Variants in RUNDC3A observed in about 807,000 individuals in gnomAD.
The protein encoded by RUNDC3A is RUN domain containing 3A, also known as RUN domain-containing protein 3A.
In RUNDC3A, 28 loss-of-function variants were observed where a neutral mutation model predicts 53.9. The ratio of observed to expected loss-of-function variants is 0.52; its 90% CI spans 0.38 to 0.71. The LOEUF is 0.71. Ranked by LOEUF, RUNDC3A falls within the 30% of genes least tolerant of loss-of-function variation. The probability of loss-of-function intolerance (pLI) is 0.00; values close to 1 mark genes in which losing one functional copy is unlikely to be tolerated. For synonymous variants in RUNDC3A, 232 were observed against 249.4 expected, an observed-to-expected ratio of 0.93 and a Z score of 0.66; for missense variants, 491 against 597.3, an observed-to-expected ratio of 0.82 and a Z score of 1.85.
In RUNDC3A at chr17:44,318,092, C is replaced by T. The variant is rs1002672306; in HGVS notation, c.1199-4C>T. On this transcript the variant is annotated splice_region_variant and splice_polypyrimidine_tract_variant and intron_variant, in intron 10 of 10. Transcript: ENST00000426726. The stretch of plus-strand genomic sequence containing the variant: ...GCTTGGCCTCACCTGCCCTCTCTCC[C>T]CAGGGAAGGACCCCACGCCCTCCAT... The T allele has an allele frequency of 1.3e-6, 2 of 1,550,998 alleles. No individual in the cohort carries two copies. Among genetic ancestry groups the T allele is most frequent in the African/African-American group, 2.7e-5 (2 of 73,042 alleles).
chr17:44,317,766 G>T, intron 10 of RUNDC3A: 1 of 604,934 alleles, frequency 1.7e-6, no homozygotes, highest in Non-Finnish European at 3.0e-6. Context: ...AGCTCCATGA[G>T]GGCAGGGACC....
chr17:44,309,795 T>TG (rs1405066873), intron 1 of RUNDC3A: 1 of 152,474 alleles, frequency 6.6e-6, no homozygotes, highest in Non-Finnish European at 1.5e-5. Flanking sequence ...AGGGTGCTCC[T>TG]GGGGGCAGGG....
At chr17:44,317,711 T>C (rs913709850) in intron 10 of RUNDC3A, 2 of 626,050 alleles carry the variant, frequency 3.2e-6, no homozygotes, top group South Asian at 1.8e-5. Context: ...CCCATCACAC[T>C]GTGTTTGTGA....
rs374065110 is a variant in RUNDC3A at position 44,316,916 on chromosome 17, G to A, written c.1198+191G>A. The stretch of plus-strand genomic sequence containing the variant: ...CAGCTCATTGCAACCTCTGCCTCCC[G>A]GGTTCAAGGGATTCCCTTGCCTCAG... On this transcript the variant is annotated intron_variant, in intron 10 of 10. Transcript: ENST00000426726. 1.6e-3 allele frequency: 772 copies of A among 497,352 alleles called. 13 individuals carry two copies. In the East Asian group the frequency reaches 0.021, roughly 14 times the overall value. 30.8% of individuals were successfully genotyped at this position (497,352 alleles called of 1,614,324 possible). A position where few individuals can be genotyped will look rare whatever the true frequency, so the allele number is the denominator to read the frequency against.
rs2047841425 is a variant in RUNDC3A, at chr17:44,315,415, T to C, written c.796-37T>C. On this transcript the variant is annotated intron_variant, in intron 7 of 10. Coordinates refer to ENST00000426726, the MANE Select transcript of RUNDC3A (RefSeq NM_001144825.2). This position sits in a 1 kb window ranked among gnomAD's most constrained non-coding sequence, Gnocchi z 6.1. ...GGGGATGGGGGCCGCGGCCGGGACG[T>C]CCTCCCAGCCGCCCGGGCTGAGCCG... The C allele has an allele frequency of 6.6e-6, 9 of 1,359,538 alleles. No individual in the cohort carries two copies. Among genetic ancestry groups the C allele is most frequent in the Non-Finnish European group, 8.5e-6 (9 of 1,052,832 alleles). 84.2% of individuals were successfully genotyped at this position (1,359,538 alleles called of 1,614,324 possible).
chr17:44,312,447 A>T, intron 1 of RUNDC3A, 133 bp from the exon 2 acceptor site: 1 of 616,910 alleles, frequency 1.6e-6, no homozygotes, highest in South Asian at 1.9e-5. Flanking sequence ...CTGTCTCCCC[A>T]CTCGCTCTGC....
intron 10 of RUNDC3A, chr17:44,317,741 C>T: frequency 1.6e-6 from 1 of 611,420 alleles, no homozygotes; most frequent in Non-Finnish European, 2.9e-6. Context: ...TGTCTGTCTC[C>T]CCCACCAGAC....
intron 3 of RUNDC3A, 71 bp downstream of exon 3, chr17:44,313,323 C>A (rs1259013175): frequency 6.2e-7 from 1 of 1,606,214 alleles, no homozygotes; most frequent in Admixed American, 1.7e-5. Flanking sequence ...TTGGTTTTTG[C>A]CCCCTGTGCA....
chr17:44,311,531 A>G (rs1427905795), intron 1 of RUNDC3A: 1 of 173,684 alleles, frequency 5.8e-6, no homozygotes, highest in Non-Finnish European at 1.1e-5. Flanking sequence ...AATGCATGCA[A>G]AGTACTGTGC....
chr17:44,317,563 C>T (rs1441803354), intron 10 of RUNDC3A: 1 of 780,720 alleles, frequency 1.3e-6, no homozygotes, highest in East Asian at 2.4e-5. Flanking sequence ...TTGACCTCAT[C>T]CCTGGCTTCA....
At chr17:44,314,688 G>GGGGGCCCCCCCC in intron 4 of RUNDC3A, 47 bp from the exon 5 acceptor site, 3 of 931,062 alleles carry the variant, frequency 3.2e-6, no homozygotes, top group Non-Finnish European at 4.6e-6. Flanking sequence ...GGGGGGGGGG[G>GGGGGCCCCCCCC]CGCTCCAGGG....
rs2047770665 is a variant in RUNDC3A, at chr17:44,312,635, T to C, written c.163T>C (p.Ser55Pro). The change falls in exon 2 of 11, where the codon TCG becomes CCG. Residue 55 changes from serine (S) to proline (P), a missense_variant. By Grantham distance (74) the Ser-to-Pro change is moderately conservative. Around this residue, in one of 2 missense-constraint regions of RUNDC3A, gnomAD observed 273 missense variants for 389.0 expected, o/e 0.70. Coordinates refer to ENST00000426726, the MANE Select transcript of RUNDC3A (RefSeq NM_001144825.2). ...CACAGCGGAGCCCATCGATGACTCA[T>C]CGGAGGAGTTTGTCAATTTTGCAGC... is the stretch of plus-strand genomic sequence containing the variant. Reference protein sequence around the residue: ...KYTAEPIDDSSEEFVNFAAIL... With the variant: ...KYTAEPIDDSPEEFVNFAAIL... 1 of 1,587,800 alleles carries C rather than the reference T, an allele frequency of 6.3e-7. No homozygotes were observed. Among genetic ancestry groups the C allele is most frequent in the Non-Finnish European group, 8.6e-7 (1 of 1,167,550 alleles).
intron 1 of RUNDC3A, chr17:44,310,710 G>C (rs1382330746): frequency 2.0e-6 from 2 of 985,550 alleles, no homozygotes; most frequent in East Asian, 2.3e-4. Flanking sequence ...TCCTATCAGG[G>C]AGCACACCAC....
Position 44,312,765 on chromosome 17 carries a change from GC to G in RUNDC3A, c.223+74del, listed in dbSNP as rs2047775395. On this transcript the variant is annotated intron_variant, in intron 2 of 10. Coordinates refer to ENST00000426726, the MANE Select transcript of RUNDC3A (RefSeq NM_001144825.2). ...CTCCCCCAGTGGTCCCTCCCCCAGC[GC>G]CCCTCCCCCAGCGGTCCCTCCCCAA... 2.6e-5 allele frequency: 9 copies of G among 340,328 alleles called. No individual in the cohort carries two copies. In the East Asian group the frequency reaches 6.8e-4, roughly 26 times the overall value. 21.1% of individuals were successfully genotyped at this position (340,328 alleles called of 1,614,324 possible). A position where few individuals can be genotyped will look rare whatever the true frequency, so the allele number is the denominator to read the frequency against.
intron 1 of RUNDC3A, among the ~76,000 whole-genome samples, chr17:44,312,134 C>T (rs1289996526): frequency 1.3e-5 from 2 of 152,224 alleles, no homozygotes; most frequent in African/African-American, 2.4e-5. Context: ...CTCCAGCAAT[C>T]ACAGAAGACA....
At position 44,315,109 on chromosome 17, in the gene RUNDC3A, G is replaced by T. The variant is rs750615224; in HGVS notation, c.630-46G>T. On this transcript the variant is annotated intron_variant, in intron 6 of 10. Transcript: ENST00000426726. The surrounding 1 kb of genome is among the most constrained non-coding windows in gnomAD (Gnocchi z 6.1). ...CCCTCAGCGGCCAGCGCAGACGCGC[G>T]GGGGGAGGGGCGGGACCGGCCGTGC... 4 of 1,600,530 alleles carry T rather than the reference G, an allele frequency of 2.5e-6. No individual in the cohort carries two copies. The highest frequency in any genetic ancestry group is 3.4e-6 in the Non-Finnish European group (4 of 1,173,182).
intron 10 of RUNDC3A, 95 bp downstream of exon 10, chr17:44,316,820 CTTTTT>C (rs35019446): frequency 5.1e-3 from 1,998 of 395,156 alleles, no homozygotes; most frequent in East Asian, 6.7e-3. Context: ...TTCTCTTAGT[CTTTTT>C]TTTTTTTTTT....
At chr17:44,312,187 C>T (rs1319619638) in intron 1 of RUNDC3A, among the ~76,000 whole-genome samples, 2 of 151,752 alleles carry the variant, frequency 1.3e-5, no homozygotes, top group Non-Finnish European at 2.9e-5. Context: ...CTAGTTGACC[C>T]AGGCCTCGCA....
chr17:44,318,041 C>T (rs2047907837), intron 10 of RUNDC3A, 55 bp from the exon 11 acceptor site: 3 of 1,519,472 alleles, frequency 2.0e-6, no homozygotes, highest in Non-Finnish European at 2.7e-6. Flanking sequence ...CACCCCTCTA[C>T]CAACTCCCAC....
Sources: allele counts gnomAD v4.1 joint callset (sites outside exome capture counted in the v4.1 genomes callset), GRCh38; gene constraint gnomAD v4.1.1; regional missense constraint gnomAD v4.1.1; non-coding constraint Gnocchi (gnomAD v3.1); transcripts MANE v1.5; gene names NCBI Gene and HGNC (gene_info 2026-07-23, HGNC 2026-07-21).